Variants in PPP2R2B observed in about 807,000 individuals in gnomAD.
PPP2R2B encodes protein phosphatase 2 regulatory subunit Bbeta, also known as serine/threonine-protein phosphatase 2A 55 kDa regulatory subunit B beta isoform.
PPP2R2B carries 5 observed loss-of-function variants against 46.0 expected under a neutral mutation model. The observed-to-expected ratio is 0.11, with a 90% CI of 0.06 to 0.23. PPP2R2B has a LOEUF of 0.23. Ranked by LOEUF, PPP2R2B falls within the 10% of genes least tolerant of loss-of-function variation. The probability of loss-of-function intolerance (pLI) is 1.00; values close to 1 mark genes in which losing one functional copy is unlikely to be tolerated. For missense variants in PPP2R2B, 367 were observed against 575.0 expected (o/e 0.64, Z 3.70); for synonymous variants, 215 against 206.7 (o/e 1.04, Z -0.34).
At chr5:146,802,803 T>C (rs762466026) in intron 2 of PPP2R2B, among the ~76,000 whole-genome samples, 6 of 152,076 alleles carry the variant, frequency 3.9e-5, no homozygotes, top group Non-Finnish European at 7.4e-5. Context: ...AAAAAGGAGA[T>C]CAAGCCTTTA....
At chr5:146,862,787 A>G (rs1311716977) in intron 2 of PPP2R2B, among the ~76,000 whole-genome samples, 2 of 149,414 alleles carry the variant, frequency 1.3e-5, no homozygotes, top group Non-Finnish European at 3.0e-5. Flanking sequence ...TTGCCTTTTC[A>G]GCATGTGCCA....
chr5:146,616,466 A>G (rs932180551), intron 7 of PPP2R2B, among the ~76,000 whole-genome samples: 30 of 152,358 alleles, frequency 2.0e-4, no homozygotes, highest in South Asian at 1.4e-3. Context: ...AAATATTTGC[A>G]AACTACCCAT....
chr5:146,882,281 A>G (rs1168372362), upstream of PPP2R2B, among the ~76,000 whole-genome samples: 1 of 152,126 alleles, frequency 6.6e-6, no homozygotes, highest in Non-Finnish European at 1.5e-5. Context: ...AAAAAAAAAA[A>G]AAGAATTGCT....
chr5:146,674,913 AT>A (rs1459380257), intron 5 of PPP2R2B, among the ~76,000 whole-genome samples: 1 of 152,148 alleles, frequency 6.6e-6, no homozygotes, highest in Admixed American at 6.5e-5. Context: ...TCCAACTAGG[AT>A]CTTTCAGGCT....
chr5:146,908,741 C>T (rs761867980), intron 1 of PPP2R2B, among the ~76,000 whole-genome samples: 2 of 152,050 alleles, frequency 1.3e-5, no homozygotes, highest in African/African-American at 2.4e-5. Flanking sequence ...AGCTTCCCCT[C>T]AATATAAAAC....
chr5:147,072,983 T>C (rs1580885989), intron 2 of PPP2R2B, among the ~76,000 whole-genome samples: 1 of 152,288 alleles, frequency 6.6e-6, no homozygotes, highest in East Asian at 1.9e-4. Flanking sequence ...TTACTCTTTT[T>C]CTAGCACTTT....
chr5:146,740,112 C>A (rs1318366980), intron 2 of PPP2R2B, among the ~76,000 whole-genome samples: 1 of 152,102 alleles, frequency 6.6e-6, no homozygotes, highest in Non-Finnish European at 1.5e-5. Context: ...AGTTTGGGAG[C>A]CCTCTCTAGC....
At chr5:146,996,927 A>T (rs940867009) in intron 1 of PPP2R2B, among the ~76,000 whole-genome samples, 3 of 152,112 alleles carry the variant, frequency 2.0e-5, no homozygotes, top group African/African-American at 4.8e-5. Context: ...CTACTTGGTC[A>T]ATGCCAACTC....
chr5:147,027,651 A>T (rs1413204257), intron 1 of PPP2R2B, among the ~76,000 whole-genome samples: 5 of 151,376 alleles, frequency 3.3e-5, no homozygotes. Flanking sequence ...AAAAAAAAAA[A>T]TTTAGTGTGG....
intron 1 of PPP2R2B, among the ~76,000 whole-genome samples, chr5:146,997,195 C>A (rs1437071600): frequency 6.6e-6 from 1 of 152,138 alleles, no homozygotes; most frequent in African/African-American, 2.4e-5. Context: ...AGAAACCCAG[C>A]AACAATTGTG....
At chr5:146,660,700 A>G (rs1190740990) in intron 5 of PPP2R2B, among the ~76,000 whole-genome samples, 1 of 152,178 alleles carries the variant, frequency 6.6e-6, no homozygotes, top group African/African-American at 2.4e-5. Context: ...TTCTTCTTTT[A>G]CTGGCTTTGT....
At chr5:146,758,515 A>C (rs1753971074) in intron 2 of PPP2R2B, among the ~76,000 whole-genome samples, 2 of 152,226 alleles carry the variant, frequency 1.3e-5, no homozygotes, top group Admixed American at 1.3e-4. Context: ...CATGACATTT[A>C]AAAATATTTA....
chr5:146,979,318 GT>G (rs1022309347), intron 1 of PPP2R2B, among the ~76,000 whole-genome samples: 2 of 151,754 alleles, frequency 1.3e-5, no homozygotes, highest in Non-Finnish European at 1.5e-5. Context: ...ATCATTTTCT[GT>G]TTTCTTTTTC....
At chr5:146,985,443 C>T (rs1753384185) in intron 1 of PPP2R2B, among the ~76,000 whole-genome samples, 1 of 152,104 alleles carries the variant, frequency 6.6e-6, no homozygotes, top group Admixed American at 6.5e-5. Flanking sequence ...CTTTTGTTAT[C>T]TGTGTTTTTG....
chr5:147,021,531 T>C, intron 1 of PPP2R2B, among the ~76,000 whole-genome samples: 1 of 152,122 alleles, frequency 6.6e-6, no homozygotes, highest in East Asian at 1.9e-4. Context: ...ATTAATCAAC[T>C]ATGAGAACCA....
intron 2 of PPP2R2B, among the ~76,000 whole-genome samples, chr5:146,722,304 A>G (rs1385751196): frequency 6.6e-6 from 1 of 152,208 alleles, no homozygotes; most frequent in Non-Finnish European, 1.5e-5. Flanking sequence ...ACAAAAGCCT[A>G]GAAACATTAA....
chr5:146,755,302 T>C (rs1753774265), intron 2 of PPP2R2B, among the ~76,000 whole-genome samples: 1 of 152,240 alleles, frequency 6.6e-6, no homozygotes, highest in African/African-American at 2.4e-5. Context: ...AAAATTCTAC[T>C]ACTTTGGAAT....
rs57518534 is a variant in PPP2R2B at position 146,616,459 on chromosome 5, T to C, written c.791-15999A>G. ...TGAAAACCCATAGGATGAGGGAAAATATTTGCAAACTACCCATCTGACAAG... is the reference window on the plus strand; with the variant it reads ...TGAAAACCCATAGGATGAGGGAAAACATTTGCAAACTACCCATCTGACAAG... On this transcript the variant is annotated intron_variant, in intron 7 of 9. Transcript: ENST00000394411. Among the ~76,000 whole-genome samples, 44 of 152,090 alleles carry C rather than the reference T, an allele frequency of 2.9e-4. No individual in the cohort carries two copies. In the East Asian group the frequency reaches 8.1e-3, roughly 28 times the overall value.
chr5:146,994,682 C>A (rs1753848142), intron 1 of PPP2R2B, among the ~76,000 whole-genome samples: 1 of 152,110 alleles, frequency 6.6e-6, no homozygotes, highest in Admixed American at 6.6e-5. Context: ...TCTCTGCCTC[C>A]AAGACCCGCT....
Sources: allele counts gnomAD v4.1 joint callset (sites outside exome capture counted in the v4.1 genomes callset), GRCh38; gene constraint gnomAD v4.1.1; transcripts MANE v1.5; gene names NCBI Gene and HGNC (gene_info 2026-07-23, HGNC 2026-07-21).